The following CTDSPL2 variants were observed in gnomAD, a reference collection of about 807,000 sequenced individuals.
The protein encoded by CTDSPL2 is CTD small phosphatase like 2.
Under a neutral mutation model 60.0 loss-of-function variants are expected in CTDSPL2, and 5 were observed. That is an observed-to-expected ratio of 0.08 (90% CI 0.04 to 0.18). The LOEUF (loss-of-function observed/expected upper bound fraction) is 0.18. CTDSPL2 is among the 10% of genes least tolerant of loss of function. The pLI, the probability that CTDSPL2 is intolerant of heterozygous loss-of-function variation, is 1.00. For synonymous variants in CTDSPL2, 186 were observed against 189.3 expected (o/e 0.98, Z 0.14); for missense variants, 370 against 548.8 (o/e 0.67, Z 3.26).
At position 44,496,432 on chromosome 15, in the gene CTDSPL2, TGAA is replaced by T. The variant is rs1449018134; in HGVS notation, c.750_752del (p.Glu250del). On this transcript the variant is annotated inframe_deletion, in exon 6 of 13. Coordinates refer to ENST00000260327, the MANE Select transcript of CTDSPL2 (RefSeq NM_016396.3). ...CATCAGCCCACGCGGAGGCCACCTATGAAGAAGACTGGGAAGTATTTGACCCGT... is the reference window on the plus strand; with the variant it reads ...CATCAGCCCACGCGGAGGCCACCTATGAAGACTGGGAAGTATTTGACCCGT... 6.2e-7 allele frequency: 1 copy of T among 1,613,882 alleles called. No homozygotes were observed. Among genetic ancestry groups the T allele is most frequent in the Non-Finnish European group, 8.5e-7 (1 of 1,179,804 alleles).
intron 8 of CTDSPL2, among the ~76,000 whole-genome samples, chr15:44,506,185 G>A (rs890434993): frequency 6.6e-6 from 1 of 151,192 alleles, no homozygotes; most frequent in African/African-American, 2.4e-5. Flanking sequence ...ACGTGCTACT[G>A]AGGCCGGCTA....
At chr15:44,480,364 G>T (rs2081003549) in intron 2 of CTDSPL2, among the ~76,000 whole-genome samples, 1 of 152,030 alleles carries the variant, frequency 6.6e-6, no homozygotes, top group South Asian at 2.1e-4. Context: ...CTTTGCACTG[G>T]TATATATGGA....
intron 1 of CTDSPL2, among the ~76,000 whole-genome samples, chr15:44,456,793 T>G (rs1420724427): frequency 6.7e-6 from 1 of 148,946 alleles, no homozygotes; most frequent in East Asian, 1.9e-4. Flanking sequence ...AGCTTTTGAA[T>G]TTGTTTGCTC....
intron 2 of CTDSPL2, among the ~76,000 whole-genome samples, chr15:44,467,367 G>T (rs1295167777): frequency 6.6e-6 from 1 of 152,178 alleles, no homozygotes; most frequent in African/African-American, 2.4e-5. Flanking sequence ...TAGCAGTGGT[G>T]AGAACAACAC....
chr15:44,473,741 C>A (rs1360510023), intron 2 of CTDSPL2, among the ~76,000 whole-genome samples: 4 of 152,190 alleles, frequency 2.6e-5, no homozygotes, highest in African/African-American at 9.7e-5. Flanking sequence ...TTGTTGAAGA[C>A]ACTTTTTAAC....
At chr15:44,441,222 G>GT (rs201115106) in intron 1 of CTDSPL2, among the ~76,000 whole-genome samples, 1,639 of 151,702 alleles carry the variant, frequency 0.011, 38 homozygotes, top group African/African-American at 0.037. Context: ...CAGTGGTAGA[G>GT]TTTTTTTTTC....
chr15:44,491,507 C>T (rs1342759694), intron 5 of CTDSPL2, among the ~76,000 whole-genome samples: 1 of 152,060 alleles, frequency 6.6e-6, no homozygotes, highest in East Asian at 1.9e-4. Flanking sequence ...AGCCATTTGT[C>T]CTTGAAATGT....
At chr15:44,436,002 CA>C (rs755854942) in intron 1 of CTDSPL2, among the ~76,000 whole-genome samples, 99 of 152,080 alleles carry the variant, frequency 6.5e-4, no homozygotes, top group Admixed American at 3.2e-3. Flanking sequence ...GTTTTTTCCC[CA>C]AGTCCTCCTC....
intron 1 of CTDSPL2, among the ~76,000 whole-genome samples, chr15:44,455,839 ATTTTTTTTTTT>A (rs35307134): frequency 5.7e-4 from 27 of 47,538 alleles, no homozygotes; most frequent in African/African-American, 1.6e-3. Flanking sequence ...TTTATTGAGG[ATTTTTTTTTTT>A]TTTTTTTTTT....
At chr15:44,517,178 G>A (rs2081669057) in intron 10 of CTDSPL2, 2 of 150,852 alleles carry the variant, frequency 1.3e-5, no homozygotes, top group African/African-American at 4.9e-5. Context: ...GTGCTATAGG[G>A]AATTGTCTGT....
At chr15:44,463,574 G>A (rs1346804844) in intron 2 of CTDSPL2, among the ~76,000 whole-genome samples, 1 of 152,162 alleles carries the variant, frequency 6.6e-6, no homozygotes, top group African/African-American at 2.4e-5. Context: ...ATATTTGAAT[G>A]CTTTACTAAA....
chr15:44,486,972 G>T (rs376270580), intron 4 of CTDSPL2, among the ~76,000 whole-genome samples: 23 of 152,018 alleles, frequency 1.5e-4, no homozygotes, highest in African/African-American at 5.3e-4. Context: ...TCACCATGTT[G>T]ACCAGGCTGG....
chr15:44,483,129 C>T (rs1326751641), intron 2 of CTDSPL2, among the ~76,000 whole-genome samples: 2 of 151,340 alleles, frequency 1.3e-5, no homozygotes, highest in Non-Finnish European at 2.9e-5. Context: ...CGTGGTGGTG[C>T]GTGCCTGTAA....
At chr15:44,453,280 A>G (rs1381815313) in intron 1 of CTDSPL2, among the ~76,000 whole-genome samples, 2 of 152,108 alleles carry the variant, frequency 1.3e-5, no homozygotes, top group Non-Finnish European at 2.9e-5. Context: ...TGGGTTTTTC[A>G]TAAATACCTT....
chr15:44,505,064 A>G (rs1014613988), intron 8 of CTDSPL2, among the ~76,000 whole-genome samples: 4 of 152,194 alleles, frequency 2.6e-5, no homozygotes. Flanking sequence ...CTATTTCTCA[A>G]AAATATGGAA....
Position 44,486,653 on chromosome 15 carries a change from C to A in CTDSPL2, c.428C>A (p.Thr143Asn). The change falls in exon 4 of 13, where the codon ACC becomes AAC. Residue 143 changes from threonine to asparagine, a missense_variant. Transcript: ENST00000260327. ...CCTCCAAGGACTACTTTGTTGGGGA[C>A]CATATTTTCACCTGTCTTCAACTTT... ...GSPPRTTLLG[T>N]IFSPVFNFFS... The A allele has an allele frequency of 1.3e-6, 2 of 1,593,712 alleles. No homozygotes were observed. Among genetic ancestry groups the A allele is most frequent in the Admixed American group, 1.8e-5 (1 of 56,356 alleles).
At chr15:44,521,232 C>A (rs2081761502) in intron 11 of CTDSPL2, 79 bp from the exon 12 acceptor site, 1 of 687,248 alleles carries the variant, frequency 1.5e-6, no homozygotes. Flanking sequence ...CTTAATAAAT[C>A]TTTGTTTATT....
At position 44,496,389 on chromosome 15, in the gene CTDSPL2, C is replaced by T. The variant is rs777402703; in HGVS notation, c.701C>T (p.Thr234Ile). The change falls in exon 6 of 13, where the codon ACT (threonine) becomes ATT (isoleucine). Residue 234 changes from threonine (T) to isoleucine (I), a missense_variant. Transcript: ENST00000260327. ...RDIPPLTAPV[T>I]PDSGYSSAHA... is the part of the protein sequence containing the mutation. ...TCACTATGTTAAATAGCACCAGTAA[C>T]TCCAGATAGTGGTTATTCATCAGCC... The T allele has an allele frequency of 6.2e-7, 1 of 1,612,570 alleles. No individual in the cohort carries two copies. The highest frequency in any genetic ancestry group is 8.5e-7 in the Non-Finnish European group (1 of 1,178,750).
intron 1 of CTDSPL2, among the ~76,000 whole-genome samples, chr15:44,433,083 G>A (rs1367875780): frequency 6.6e-6 from 1 of 151,948 alleles, no homozygotes; most frequent in African/African-American, 2.4e-5. Context: ...GGGAGGCTGA[G>A]GCAGGCGGAT....
Sources: gnomAD v4.1 joint callset for allele counts (sites outside exome capture counted in the v4.1 genomes callset) on GRCh38, gnomAD v4.1.1 for gene constraint, MANE v1.5 for transcripts, NCBI Gene and HGNC (gene_info 2026-07-23, HGNC 2026-07-21) for gene names.